ZZEF1: variants seen among roughly 807,000 people sequenced by gnomAD.
ZZEF1 encodes the protein zinc finger ZZ-type and EF-hand domain containing 1, also known as zinc finger ZZ-type and EF-hand domain-containing protein 1.
A neutral mutation model predicts 342.8 loss-of-function variants in ZZEF1; 157 were observed. That is an observed-to-expected ratio of 0.46 (90% confidence interval 0.40 to 0.52). The LOEUF (loss-of-function observed/expected upper bound fraction) is 0.52, where lower values mean the gene tolerates loss of function less well. ZZEF1 is among the 20% of genes least tolerant of loss of function. The probability of loss-of-function intolerance (pLI) is 0.00; values close to 1 mark genes in which losing one functional copy is unlikely to be tolerated. For synonymous variants in ZZEF1, 1,505 were observed against 1,429.1 expected, an observed-to-expected ratio of 1.05 and a Z score of -1.20; for missense variants, 3,480 against 3,725.6, an observed-to-expected ratio of 0.93 and a Z score of 1.72.
chr17:4,029,129 T>A (rs1425819870), intron 42 of ZZEF1, among the ~76,000 whole-genome samples: 2 of 152,190 alleles, frequency 1.3e-5, no homozygotes, highest in African/African-American at 4.8e-5. Context: ...TTAACATCTA[T>A]AGGATACTCC....
chr17:4,053,696 G>A lies in ZZEF1; in HGVS notation c.5434+361C>T, dbSNP rs527940514. Among the ~76,000 whole-genome samples the A allele has an allele frequency of 8.4e-4, 128 of 152,326 alleles. 1 individual carries two copies. Among genetic ancestry groups the A allele is most frequent in the African/African-American group, 2.9e-3 (122 of 41,570 alleles). On this transcript the variant is annotated intron_variant, in intron 34 of 54. Transcript: ENST00000381638. ...CTCAGCACCTAGAAGTCAAGTGTAC[G>A]AGGATTTTTGAAGCTTGCTTGTGTA...
intron 39 of ZZEF1, among the ~76,000 whole-genome samples, chr17:4,036,278 T>A (rs1261347948): frequency 6.6e-6 from 1 of 152,094 alleles, no homozygotes; most frequent in Non-Finnish European, 1.5e-5. Flanking sequence ...ATAATTCTCA[T>A]GTGTGTGTGG....
intron 9 of ZZEF1, among the ~76,000 whole-genome samples, chr17:4,100,561 G>A (rs2145430312): frequency 6.6e-6 from 1 of 152,306 alleles, no homozygotes; most frequent in East Asian, 1.9e-4. Flanking sequence ...CTATTACCAG[G>A]AGAAATGCCC....
At position 4,058,008 on chromosome 17, in the gene ZZEF1, A is replaced by G. The variant is rs1407460671; in HGVS notation, c.5151T>C (p.His1717=). Residue 1717 remains histidine (H), a synonymous_variant, in exon 32 of 55, where the codon CAT becomes CAC. Transcript: ENST00000381638. Reference sequence around the variant, plus strand: ...CGTGCTCTTACCTGATCACACTGTCATGGACACTTATATTCTCCTGTGACA... The same window carrying G: ...CGTGCTCTTACCTGATCACACTGTCGTGGACACTTATATTCTCCTGTGACA... ...MKMSQENISV[H]DSVISQWSEE... 4 of 1,614,064 alleles carry G rather than the reference A, an allele frequency of 2.5e-6. No homozygotes were observed. In the Admixed American group the frequency reaches 5.0e-5, roughly 20 times the overall value.
intron 21 of ZZEF1, among the ~76,000 whole-genome samples, chr17:4,075,785 T>C (rs942305414): frequency 6.9e-6 from 1 of 145,646 alleles, no homozygotes; most frequent in Non-Finnish European, 1.5e-5. Context: ...CTGGCAAATC[T>C]GGATCTACTC....
chr17:4,075,177 A>T lies in ZZEF1; in HGVS notation c.3403T>A (p.Tyr1135Asn). ...FDDRCETEKR[Y>N]DYLEFTDARG... ...GCGTCGGTAAATTCCAGATAATCATACCTGTGAAGGCATAACCTCTATTAG... is the reference window on the plus strand; with the variant it reads ...GCGTCGGTAAATTCCAGATAATCATTCCTGTGAAGGCATAACCTCTATTAG... The change falls in exon 23 of 55, where the codon TAT becomes AAT. Residue 1135 changes from tyrosine (Y) to asparagine (N), a missense_variant and splice_region_variant. By Grantham distance (143) the Tyr-to-Asn change is moderately radical. Coordinates refer to ENST00000381638, the MANE Select transcript of ZZEF1 (RefSeq NM_015113.4). 1 of 1,614,124 alleles carries T rather than the reference A, an allele frequency of 6.2e-7. No homozygotes were observed. Among genetic ancestry groups the T allele is most frequent in the Non-Finnish European group, 8.5e-7 (1 of 1,179,996 alleles).
At chr17:4,096,028 TG>T in intron 10 of ZZEF1, 49 bp from the exon 11 acceptor site, 4 of 1,543,410 alleles carry the variant, frequency 2.6e-6, no homozygotes, top group Non-Finnish European at 3.5e-6. Flanking sequence ...AAAAGTTCTG[TG>T]GCCGTTTTGT....
At chr17:4,024,164 C>A (rs2459499) in intron 43 of ZZEF1, among the ~76,000 whole-genome samples, 1 of 143,858 alleles carries the variant, frequency 7.0e-6, no homozygotes, top group Admixed American at 7.0e-5. Flanking sequence ...AGCTGCTCAT[C>A]TCCATGCCAA....
At chr17:4,009,517 G>A in intron 53 of ZZEF1, 87 bp downstream of exon 53, 1 of 1,583,628 alleles carries the variant, frequency 6.3e-7, no homozygotes. Flanking sequence ...CTCAGGCTCG[G>A]ATGAGGCAGC....
intron 36 of ZZEF1, among the ~76,000 whole-genome samples, chr17:4,050,317 A>T (rs1183657706): frequency 6.6e-6 from 1 of 152,094 alleles, no homozygotes. Flanking sequence ...GATGTCTCCA[A>T]GGTTTAACTT....
chr17:4,072,850 G>A (rs368729120), intron 24 of ZZEF1, 94 bp from the exon 25 acceptor site: 1 of 1,301,800 alleles, frequency 7.7e-7, no homozygotes. Context: ...AAAAACCATG[G>A]ATACTATTAA....
intron 4 of ZZEF1, 142 bp from the exon 5 acceptor site, chr17:4,112,950 T>G: frequency 5.7e-6 from 4 of 706,084 alleles, no homozygotes; most frequent in Non-Finnish European, 8.8e-6. Flanking sequence ...AAATGCTGGC[T>G]ATGAGTTTCA....
chr17:4,074,394 G>GGAGT, intron 23 of ZZEF1, 43 bp from the exon 24 acceptor site: 3 of 1,596,652 alleles, frequency 1.9e-6, no homozygotes, highest in Non-Finnish European at 2.6e-6. Flanking sequence ...GATTAGAGGA[G>GGAGT]GAGTGCTTCA....
Position 4,114,299 on chromosome 17 carries a change from C to T in ZZEF1, c.866G>A (p.Arg289His). 2.5e-6 allele frequency: 4 copies of T among 1,580,732 alleles called. No homozygotes were observed. Among genetic ancestry groups the T allele is most frequent in the East Asian group, 2.3e-5 (1 of 43,656 alleles). ...CAAAAAAGTATTATATACCACCCACCGAATCCAGTGTGAACAGGCACTGCC... is the reference window on the plus strand; with the variant it reads ...CAAAAAAGTATTATATACCACCCACTGAATCCAGTGTGAACAGGCACTGCC... ...SDGSACSHWI[R>H]LKMKPDVVLR... Residue 289 changes from arginine (R) to histidine (H), a missense_variant and splice_region_variant, in exon 4 of 55, where the codon CGT (arginine) becomes CAT (histidine). Around this residue, in one of 5 missense-constraint regions of ZZEF1, gnomAD observed 92 missense variants for 130.3 expected, o/e 0.71. Transcript: ENST00000381638.
At chr17:4,080,125 G>A (rs1567822665) in intron 18 of ZZEF1, among the ~76,000 whole-genome samples, 1 of 152,120 alleles carries the variant, frequency 6.6e-6, no homozygotes, top group Non-Finnish European at 1.5e-5. Context: ...TGAATCAGTA[G>A]CTTAGGGTGG....
Position 4,050,848 on chromosome 17 carries a change from G to A in ZZEF1, c.5796C>T (p.Ala1932=). 1 of 1,614,162 alleles carries A rather than the reference G, an allele frequency of 6.2e-7. No homozygotes were observed. The highest frequency in any genetic ancestry group is 8.5e-7 in the Non-Finnish European group (1 of 1,180,024). ...EKLDPQTRSS[A]TTLRSQCMQL... ...GCATGCACTGGCTCCGCAGGGTGGTGGCACTGCTGCGCGTCTGGGGGTCCA... is the reference window on the plus strand; with the variant it reads ...GCATGCACTGGCTCCGCAGGGTGGTAGCACTGCTGCGCGTCTGGGGGTCCA... Residue 1932 remains alanine (A), a synonymous_variant, in exon 36 of 55, where the codon GCC becomes GCT. Coordinates refer to ENST00000381638, the MANE Select transcript of ZZEF1 (RefSeq NM_015113.4).
intron 15 of ZZEF1, 141 bp downstream of exon 15, chr17:4,086,345 G>GCAATCCCTTTCTGGGGGATTCCCACAGCA (rs2057823980): frequency 7.0e-4 from 38 of 54,376 alleles, no homozygotes; most frequent in South Asian, 2.7e-3. Flanking sequence ...TTCCCACAGC[G>GCAATCCCTTTCTGGGGGATTCCCACAGCA]GCAATCCCTT....
chr17:4,044,725 G>T (rs556810788), intron 37 of ZZEF1, among the ~76,000 whole-genome samples: 1 of 151,994 alleles, frequency 6.6e-6, no homozygotes, highest in East Asian at 2.0e-4. Flanking sequence ...CACCATGTTG[G>T]CCAGGATGGT....
Position 4,014,193 on chromosome 17 carries a change from G to A in ZZEF1, c.8315-5C>T, listed in dbSNP as rs770195054. On this transcript the variant is annotated splice_region_variant and splice_polypyrimidine_tract_variant and intron_variant, in intron 50 of 54. Transcript: ENST00000381638. This position sits in a 1 kb window ranked among gnomAD's most constrained non-coding sequence, Gnocchi z 4.4. ...AGCGGTAATACAGAGTGTCTCCTAGGCACACAAGGATCAGAGGCCCATCAG... is the reference window on the plus strand; with the variant it reads ...AGCGGTAATACAGAGTGTCTCCTAGACACACAAGGATCAGAGGCCCATCAG... 3 of 1,614,068 alleles carry A rather than the reference G, an allele frequency of 1.9e-6. No individual in the cohort carries two copies. The highest frequency in any genetic ancestry group is 1.7e-5 in the Admixed American group (1 of 60,024).
Sources: allele counts gnomAD v4.1 joint callset (sites outside exome capture counted in the v4.1 genomes callset), GRCh38; gene constraint gnomAD v4.1.1; regional missense constraint gnomAD v4.1.1; non-coding constraint Gnocchi (gnomAD v3.1); transcripts MANE v1.5; gene names NCBI Gene and HGNC (gene_info 2026-07-23, HGNC 2026-07-21).